The following DSC1 variants were observed in gnomAD, a reference collection of about 807,000 sequenced individuals.
DSC1 encodes the protein desmocollin 1.
Under a neutral mutation model 98.8 loss-of-function variants are expected in DSC1, and 79 were observed. The observed-to-expected ratio is 0.80, with a 90% CI of 0.67 to 0.96. The LOEUF (loss-of-function observed/expected upper bound fraction) is 0.96. DSC1 is among the 50% of genes least tolerant of loss of function. The pLI is 0.00. For synonymous variants in DSC1, 405 were observed against 372.1 expected (o/e 1.09, Z -1.02); for missense variants, 1,115 against 1,075.9 (o/e 1.04, Z -0.51).
rs1178162026 is a variant in DSC1, at chr18:31,157,310, A to G, written c.351+61T>C. The G allele has an allele frequency of 7.9e-6, 12 of 1,527,874 alleles. No individual in the cohort carries two copies. In the Admixed American group the frequency reaches 9.4e-5, roughly 12 times the overall value. The allele number at this position is 1,527,874 out of a possible 1,614,324, so 94.6% of individuals were successfully genotyped here. On this transcript the variant is annotated intron_variant, in intron 3 of 15. Coordinates refer to ENST00000257198, the MANE Select transcript of DSC1 (RefSeq NM_024421.2). Reference sequence around the variant, plus strand: ...ACATGAAACACGTTAAAACACATGAAACACGAAGGACTCCCGTAAGCATAT... The same window carrying G: ...ACATGAAACACGTTAAAACACATGAGACACGAAGGACTCCCGTAAGCATAT...
At chr18:31,155,649 G>T (rs2143928339) in intron 4 of DSC1, among the ~76,000 whole-genome samples, 1 of 152,214 alleles carries the variant, frequency 6.6e-6, no homozygotes, top group Middle Eastern at 3.4e-3. Context: ...TGGCAGTGAG[G>T]CAATCTTACT....
rs75103161 is a variant in DSC1 at position 31,133,340 on chromosome 18, T to G, written c.2116+551A>C. On this transcript the variant is annotated intron_variant, in intron 13 of 15. Coordinates refer to ENST00000257198, the MANE Select transcript of DSC1 (RefSeq NM_024421.2). ...TTACTTTTGTACCTCCAAATAACAG[T>G]TTGCACAATGCAAAATCTTAGCATC... is the stretch of plus-strand genomic sequence containing the variant. Among the ~76,000 whole-genome samples the G allele has an allele frequency of 5.5e-3, 837 of 152,216 alleles. 7 individuals carry two copies. The highest frequency in any genetic ancestry group is 0.019 in the African/African-American group (779 of 41,546).
chr18:31,130,463 A>G lies in DSC1; in HGVS notation c.*51T>C. 6.3e-7 allele frequency: 1 copy of G among 1,596,122 alleles called. No homozygotes were observed. Among genetic ancestry groups the G allele is most frequent in the Non-Finnish European group, 8.6e-7 (1 of 1,166,452 alleles). ...CAGATGCTGCTAACATTCTGCAAGT[A>G]ATAAATTCCTACTTATGCATCTGTG... On this transcript the variant is annotated 3_prime_UTR_variant, in exon 16 of 16. Transcript: ENST00000257198.
In DSC1 at chr18:31,133,983, A is replaced by G. The variant is rs1988550195; in HGVS notation, c.2024T>C (p.Met675Thr). Residue 675 changes from methionine (M) to threonine (T), a missense_variant, in exon 13 of 16, where the codon ATG becomes ACG. Transcript: ENST00000257198. ...AACGTCTCTTGTACTTTTATCCTTC[A>G]TTCTACACTCAGATGGAGTTGAACA... ...CDCSTPSECR[M>T]KDKSTRDVRP... 6.2e-7 allele frequency: 1 copy of G among 1,613,302 alleles called. No individual in the cohort carries two copies. The highest frequency in any genetic ancestry group is 1.3e-5 in the African/African-American group (1 of 74,886).
At chr18:31,138,535 G>A (rs1038538627) in intron 11 of DSC1, among the ~76,000 whole-genome samples, 2 of 151,788 alleles carry the variant, frequency 1.3e-5, no homozygotes, top group African/African-American at 4.8e-5. Context: ...GGGAATAAAT[G>A]AGTAAACATA....
intron 14 of DSC1, 71 bp from the exon 15 acceptor site, chr18:31,131,913 C>T: frequency 6.5e-7 from 1 of 1,539,874 alleles, no homozygotes; most frequent in South Asian, 1.2e-5. Context: ...CATTTTTTTT[C>T]ACCATAGGCA....
At position 31,131,687 on chromosome 18, in the gene DSC1, CT is replaced by C. The variant is rs774781476; in HGVS notation, c.2393del (p.Gln798ArgfsTer65). ...CCACTCCCTTGACGGACTCCAAGGT[CT>C]GATGTCCACCTCCTTTGTTGGAATC... is the stretch of plus-strand genomic sequence containing the variant. ...TLDSNKGGGHQTLESVKGVGQ... is the reference protein window; with the variant it reads ...TLDSNKGGGHXTLESVKGVGQ... On this transcript the variant is annotated frameshift_variant, in exon 15 of 16. Transcript: ENST00000257198. LOFTEE classifies it high-confidence loss of function. The C allele has an allele frequency of 7.4e-6, 12 of 1,613,980 alleles. No homozygotes were observed. The highest frequency in any genetic ancestry group is 1.7e-6 in the Non-Finnish European group (2 of 1,180,006).
chr18:31,136,126 A>G (rs1413616662), intron 11 of DSC1, among the ~76,000 whole-genome samples: 1 of 152,018 alleles, frequency 6.6e-6, no homozygotes, highest in Non-Finnish European at 1.5e-5. Flanking sequence ...AAAGAGAGAT[A>G]TAGCTATTTG....
rs759961749 is a variant in DSC1, at chr18:31,134,073, G to A, written c.1934C>T (p.Pro645Leu). The A allele has an allele frequency of 7.4e-6, 12 of 1,610,844 alleles. No individual in the cohort carries two copies. Among genetic ancestry groups the A allele is most frequent in the South Asian group, 1.1e-5 (1 of 91,040 alleles). The change falls in exon 13 of 16, where the codon CCT becomes CTT. Residue 645 changes from proline to leucine, a missense_variant. Coordinates refer to ENST00000257198, the MANE Select transcript of DSC1 (RefSeq NM_024421.2). ...ACCATGCCTGTCTTTTATTTGAATA[G>A]GCACAGAATAATAGTTATAATCAAG... Reference protein sequence around the residue: ...QNLDYNYYSVPIQIKDRHGLV... With the variant: ...QNLDYNYYSVLIQIKDRHGLV...
At chr18:31,158,741 T>C (rs951033784) in intron 2 of DSC1, among the ~76,000 whole-genome samples, 1 of 152,194 alleles carries the variant, frequency 6.6e-6, no homozygotes, top group South Asian at 2.1e-4. Flanking sequence ...CAACCTCAAG[T>C]ACAAATTTTA....
intron 11 of DSC1, 138 bp downstream of exon 11, chr18:31,139,610 G>T: frequency 1.1e-6 from 1 of 884,966 alleles, no homozygotes; most frequent in Non-Finnish European, 1.6e-6. Flanking sequence ...TAAACTGGGT[G>T]ATATCCAATA....
At chr18:31,161,524 T>C (rs1020483463) in intron 1 of DSC1, among the ~76,000 whole-genome samples, 2 of 152,174 alleles carry the variant, frequency 1.3e-5, no homozygotes, top group Admixed American at 1.3e-4. Context: ...TTAAATACTA[T>C]TCCCGTCTTC....
intron 13 of DSC1, 132 bp from the exon 14 acceptor site, chr18:31,132,821 A>G (rs567149722): frequency 5.2e-6 from 4 of 764,296 alleles, no homozygotes; most frequent in Non-Finnish European, 8.0e-6. Context: ...CAAGATTTAA[A>G]AACAGAATAT....
chr18:31,148,478 A>G lies in DSC1; in HGVS notation c.772+20T>C. 2.5e-6 allele frequency: 4 copies of G among 1,573,196 alleles called. No individual in the cohort carries two copies. The highest frequency in any genetic ancestry group is 3.5e-6 in the Non-Finnish European group (4 of 1,151,038). ...TGTCAAATAGTCTTCTTGTCATGCT[A>G]CAATAAAATGTGAACTTACCGGATC... is the stretch of plus-strand genomic sequence containing the variant. On this transcript the variant is annotated intron_variant, in intron 6 of 15. Coordinates refer to ENST00000257198, the MANE Select transcript of DSC1 (RefSeq NM_024421.2).
Position 31,132,548 on chromosome 18 carries a change from G to T in DSC1, c.2238+20C>A, listed in dbSNP as rs189238083. 645 of 1,611,648 alleles carry T rather than the reference G, an allele frequency of 4.0e-4. 2 individuals carry two copies. The African/African-American group carries it at 7.2e-3, about 18-fold the overall frequency. On this transcript the variant is annotated intron_variant, in intron 14 of 15. Transcript: ENST00000257198. ...CATTTGTTCACCGTACAATTCAAAG[G>T]GATGTGAAATCTGATTTACCGTTAC...
intron 6 of DSC1, 54 bp from the exon 7 acceptor site, chr18:31,145,831 T>C: frequency 6.5e-7 from 1 of 1,550,272 alleles, no homozygotes; most frequent in African/African-American, 1.4e-5. Context: ...AATTGAATTA[T>C]AAACAAAATA....
intron 14 of DSC1, 198 bp downstream of exon 14, chr18:31,132,370 C>G: frequency 1.7e-6 from 1 of 576,894 alleles, no homozygotes; most frequent in Admixed American, 3.5e-5. Flanking sequence ...TTGTTTAAGT[C>G]ACTCAGTTTG....
chr18:31,130,482 A>C lies in DSC1; in HGVS notation c.*32T>G. ...GCAAGTAATAAATTCCTACTTATGC[A>C]TCTGTGGATATTACACTATTAAAAG... On this transcript the variant is annotated 3_prime_UTR_variant, in exon 16 of 16. Coordinates refer to ENST00000257198, the MANE Select transcript of DSC1 (RefSeq NM_024421.2). 1 of 1,607,902 alleles carries C rather than the reference A, an allele frequency of 6.2e-7. No individual in the cohort carries two copies. Among genetic ancestry groups the C allele is most frequent in the African/African-American group, 1.3e-5 (1 of 74,880 alleles).
At chr18:31,158,521 A>G (rs984944816) in intron 2 of DSC1, among the ~76,000 whole-genome samples, 1 of 101,960 alleles carries the variant, frequency 9.8e-6, no homozygotes, top group African/African-American at 3.3e-5. Flanking sequence ...AAAGGATACC[A>G]TTTCTGTATT....
Sources: allele counts gnomAD v4.1 joint callset (sites outside exome capture counted in the v4.1 genomes callset), GRCh38; gene constraint gnomAD v4.1.1; transcripts MANE v1.5; gene names NCBI Gene and HGNC (gene_info 2026-07-23, HGNC 2026-07-21).